Variants in ASIC2 observed in about 807,000 individuals in gnomAD.
ASIC2 encodes acid-sensing ion channel 2.
A neutral mutation model predicts 57.3 loss-of-function variants in ASIC2; 25 were observed. That is an observed-to-expected ratio of 0.44 (90% CI 0.32 to 0.61). The LOEUF is 0.61. ASIC2 is among the 20% of genes least tolerant of loss of function. ASIC2 has a pLI of 0.06. For synonymous variants in ASIC2, 319 were observed against 307.5 expected (o/e 1.04, Z -0.39); for missense variants, 641 against 738.1 (o/e 0.87, Z 1.52).
At chr17:33,402,185 G>A (rs954118019) in intron 1 of ASIC2, among the ~76,000 whole-genome samples, 7 of 152,110 alleles carry the variant, frequency 4.6e-5, no homozygotes, top group Non-Finnish European at 8.8e-5. Flanking sequence ...ACTGCATGGA[G>A]GGCTCCATGC....
intron 1 of ASIC2, among the ~76,000 whole-genome samples, chr17:33,490,614 C>G (rs1433485923): frequency 6.6e-6 from 1 of 152,202 alleles, no homozygotes; most frequent in Admixed American, 6.5e-5. Flanking sequence ...TCTCTCTTGC[C>G]TGGCGCCATC....
chr17:33,213,001 T>C (rs558596373), intron 1 of ASIC2, among the ~76,000 whole-genome samples: 8 of 152,348 alleles, frequency 5.3e-5, no homozygotes, highest in African/African-American at 1.9e-4. Flanking sequence ...CAGATTTTTA[T>C]ATCTATGTGC....
chr17:33,761,202 T>A (rs1411933233), intron 1 of ASIC2, among the ~76,000 whole-genome samples: 1 of 152,236 alleles, frequency 6.6e-6, no homozygotes, highest in Non-Finnish European at 1.5e-5. Flanking sequence ...TAGACTATCC[T>A]GCAAATACAC....
chr17:33,230,295 T>C (rs1908039351), intron 1 of ASIC2, among the ~76,000 whole-genome samples: 2 of 152,276 alleles, frequency 1.3e-5, no homozygotes, highest in South Asian at 4.1e-4. Context: ...TTGGAGCCTC[T>C]ACTTTGCTGG....
chr17:33,777,412 G>T (rs916812143), intron 1 of ASIC2, among the ~76,000 whole-genome samples: 11 of 152,210 alleles, frequency 7.2e-5, no homozygotes, highest in Non-Finnish European at 1.3e-4. Flanking sequence ...TTGGGATTCT[G>T]GTGTGAAGTT....
At chr17:33,878,732 A>C (rs772754345) in intron 1 of ASIC2, among the ~76,000 whole-genome samples, 3 of 152,224 alleles carry the variant, frequency 2.0e-5, no homozygotes, top group African/African-American at 7.2e-5. Flanking sequence ...GCAGGCCTAC[A>C]TTCACATTCA....
At position 33,857,661 on chromosome 17, in the gene ASIC2, G is replaced by A. The variant is rs62057923; in HGVS notation, c.555+298317C>T. On this transcript the variant is annotated intron_variant, in intron 1 of 9. Coordinates refer to the ASIC2 transcript ENST00000359872. ...GAGAGGGGCATGAACTGTTCGAGGC[G>A]CTGAGGTATCATCTTAAGAGAGGAG... is the stretch of plus-strand genomic sequence containing the variant. 8.5e-3 allele frequency among the ~76,000 whole-genome samples: 1,296 copies of A among 152,272 alleles called. 9 individuals are homozygous for A. Among genetic ancestry groups the A allele is most frequent in the African/African-American group, 0.013 (553 of 41,550 alleles).
chr17:33,728,764 T>C (rs1441035372), intron 1 of ASIC2, among the ~76,000 whole-genome samples: 1 of 152,016 alleles, frequency 6.6e-6, no homozygotes, highest in Non-Finnish European at 1.5e-5. Flanking sequence ...TAGATTGAGT[T>C]GGGAAGGCAG....
At chr17:33,018,919 C>T (rs912880655) in intron 7 of ASIC2, among the ~76,000 whole-genome samples, 9 of 152,106 alleles carry the variant, frequency 5.9e-5, no homozygotes, top group African/African-American at 1.9e-4. Flanking sequence ...GCAGATCTGC[C>T]CCACTCCTTC....
At chr17:33,733,353 CTG>C (rs1052115360) in intron 1 of ASIC2, among the ~76,000 whole-genome samples, 5 of 152,156 alleles carry the variant, frequency 3.3e-5, no homozygotes, top group African/African-American at 9.7e-5. Context: ...TCCTTTCTCC[CTG>C]TGTGTGTGTT....
intron 1 of ASIC2, among the ~76,000 whole-genome samples, chr17:33,513,089 G>A (rs751549222): frequency 1.1e-4 from 16 of 152,234 alleles, no homozygotes; most frequent in Non-Finnish European, 2.1e-4. Flanking sequence ...ATTTTAGCAT[G>A]GGATTCTTGG....
At chr17:34,013,150 T>C (rs1906832074) in intron 1 of ASIC2, among the ~76,000 whole-genome samples, 1 of 152,114 alleles carries the variant, frequency 6.6e-6, no homozygotes, top group South Asian at 2.1e-4. Flanking sequence ...AAAGGAAGGA[T>C]AGACGGGGGC....
chr17:33,120,900 G>C (rs1334159745), intron 1 of ASIC2, among the ~76,000 whole-genome samples: 1 of 152,170 alleles, frequency 6.6e-6, no homozygotes, highest in Non-Finnish European at 1.5e-5. Flanking sequence ...AGCTAATATG[G>C]AATTGGGGAC....
At chr17:33,986,569 C>A (rs974693557) in intron 1 of ASIC2, among the ~76,000 whole-genome samples, 2 of 152,080 alleles carry the variant, frequency 1.3e-5, no homozygotes, top group African/African-American at 2.4e-5. Context: ...TTATTACCCA[C>A]AGTATAAATT....
At position 33,913,954 on chromosome 17, in the gene ASIC2, C is replaced by T. The variant is rs567606022; in HGVS notation, c.555+242024G>A. Among the ~76,000 whole-genome samples, 32 of 152,302 alleles carry T rather than the reference C, an allele frequency of 2.1e-4. No individual in the cohort carries two copies. In the South Asian group the frequency reaches 3.5e-3, roughly 17 times the overall value. ...TTTTATAAATCAGGAAACTAAAACTCGGAGACTATGTCTGGGTTGTCCAGA... is the reference window on the plus strand; with the variant it reads ...TTTTATAAATCAGGAAACTAAAACTTGGAGACTATGTCTGGGTTGTCCAGA... On this transcript the variant is annotated intron_variant, in intron 1 of 9. Transcript: ENST00000359872.
chr17:33,619,138 A>G (rs140933722), intron 1 of ASIC2, among the ~76,000 whole-genome samples: 2,137 of 152,338 alleles, frequency 0.014, 40 homozygotes, highest in African/African-American at 0.047. Context: ...TGCTATACAC[A>G]GGTACTTGAA....
At chr17:33,542,360 C>T (rs985527893) in intron 1 of ASIC2, among the ~76,000 whole-genome samples, 1 of 133,140 alleles carries the variant, frequency 7.5e-6, no homozygotes, top group Non-Finnish European at 1.6e-5. Context: ...ACAGTCCCAC[C>T]AACAGTGTAA....
chr17:33,435,815 C>T (rs903452856), intron 1 of ASIC2, among the ~76,000 whole-genome samples: 3 of 152,204 alleles, frequency 2.0e-5, no homozygotes, highest in African/African-American at 7.2e-5. Context: ...TAGTTGCCTC[C>T]TGATGTACCA....
chr17:33,043,332 G>C (rs2091937326), intron 3 of ASIC2, among the ~76,000 whole-genome samples: 1 of 152,226 alleles, frequency 6.6e-6, no homozygotes, highest in Admixed American at 6.5e-5. Flanking sequence ...CTACTGGCTG[G>C]GGGTCAGGGG....
Sources: gnomAD v4.1 joint callset for allele counts (sites outside exome capture counted in the v4.1 genomes callset) on GRCh38, gnomAD v4.1.1 for gene constraint, MANE v1.5 for transcripts, NCBI Gene and HGNC (gene_info 2026-07-23, HGNC 2026-07-21) for gene names.